ASTN2: variants seen among roughly 807,000 people sequenced by gnomAD.
ASTN2 encodes the protein astrotactin 2, also known as astrotactin-2.
Under a neutral mutation model 139.8 loss-of-function variants are expected in ASTN2, and 54 were observed. That is an observed-to-expected ratio of 0.39 (90% CI 0.31 to 0.48). ASTN2 has a LOEUF of 0.48. Ranked by LOEUF, ASTN2 falls within the 20% of genes least tolerant of loss-of-function variation. The probability of loss-of-function intolerance (pLI) is 0.95; values close to 1 mark genes in which losing one functional copy is unlikely to be tolerated. For synonymous variants in ASTN2, 756 were observed against 719.5 expected, an observed-to-expected ratio of 1.05 and a Z score of -0.81; for missense variants, 1,565 against 1,725.1, an observed-to-expected ratio of 0.91 and a Z score of 1.64.
intron 2 of ASTN2, among the ~76,000 whole-genome samples, chr9:117,258,763 C>T (rs1833752400): frequency 6.6e-6 from 1 of 152,242 alleles, no homozygotes; most frequent in Admixed American, 6.5e-5. Context: ...TTGAAGCCTC[C>T]TTGTGCTTGC....
In ASTN2 at chr9:117,060,457, AAAGG is replaced by A. The variant is rs767897842; in HGVS notation, c.1277-20496_1277-20493del. ...AAGAGAGAGAGAGAAAGAAAGAAAG[AAAGG>A]AAGGAAGGAAGGAAGGAAGGAAGGA... On this transcript the variant is annotated intron_variant, in intron 5 of 22. Transcript: ENST00000313400. Among the ~76,000 whole-genome samples the A allele has an allele frequency of 1.1e-3, 66 of 61,434 alleles. 12 individuals carry two copies. The highest frequency in any genetic ancestry group is 5.0e-3 in the African/African-American group (57 of 11,454). The allele number at this position is 61,434 out of a possible 152,430, so 40.3% of individuals were successfully genotyped here.
chr9:116,705,649 G>A (rs183447707), intron 16 of ASTN2, among the ~76,000 whole-genome samples: 23 of 152,252 alleles, frequency 1.5e-4, no homozygotes, highest in African/African-American at 5.3e-4. Context: ...CTTAATATGA[G>A]TAATGAATGC....
chr9:117,180,403 C>T (rs1373210825), intron 3 of ASTN2, among the ~76,000 whole-genome samples: 1 of 152,170 alleles, frequency 6.6e-6, no homozygotes, highest in African/African-American at 2.4e-5. Context: ...TTACACATCC[C>T]CTTTCCCTTG....
chr9:117,215,587 A>G (rs1308714937), intron 2 of ASTN2, among the ~76,000 whole-genome samples: 1 of 152,054 alleles, frequency 6.6e-6, no homozygotes, highest in Non-Finnish European at 1.5e-5. Flanking sequence ...GTTAATGCAC[A>G]TATCTTACAT....
At chr9:117,247,158 A>C (rs1008520430) in intron 2 of ASTN2, among the ~76,000 whole-genome samples, 2 of 152,222 alleles carry the variant, frequency 1.3e-5, no homozygotes, top group Admixed American at 1.3e-4. Flanking sequence ...TAACAGAACA[A>C]GAGAGAAAAG....
At chr9:116,534,116 C>G (rs1371111269) in intron 19 of ASTN2, among the ~76,000 whole-genome samples, 1 of 152,128 alleles carries the variant, frequency 6.6e-6, no homozygotes, top group Non-Finnish European at 1.5e-5. Context: ...AGGAATTTAT[C>G]CATTTTTTCT....
chr9:116,674,939 C>T (rs1642361482), intron 16 of ASTN2, among the ~76,000 whole-genome samples: 1 of 152,170 alleles, frequency 6.6e-6, no homozygotes, highest in South Asian at 2.1e-4. Context: ...GTCTTCCACA[C>T]AGCGAGCTCT....
At chr9:116,931,197 T>A (rs1428119135) in intron 10 of ASTN2, among the ~76,000 whole-genome samples, 1 of 152,202 alleles carries the variant, frequency 6.6e-6, no homozygotes. Context: ...GGCTTCCTTC[T>A]CCTTGAGCCT....
intron 3 of ASTN2, among the ~76,000 whole-genome samples, chr9:117,167,460 T>G (rs114239859): frequency 0.015 from 2,328 of 152,232 alleles, 49 homozygotes; most frequent in African/African-American, 0.054. Flanking sequence ...TTAACCACCC[T>G]TCCTAAACAC....
At chr9:116,471,504 G>A (rs1848811503) in intron 20 of ASTN2, among the ~76,000 whole-genome samples, 1 of 152,134 alleles carries the variant, frequency 6.6e-6, no homozygotes. Flanking sequence ...GGGTCTTTGG[G>A]AAGGCTGCCA....
chr9:116,662,581 T>TA (rs980139315), intron 16 of ASTN2, among the ~76,000 whole-genome samples: 26 of 151,830 alleles, frequency 1.7e-4, no homozygotes, highest in African/African-American at 4.4e-4. Flanking sequence ...CTCAAAAAAA[T>TA]AAAAAAATAA....
At chr9:116,984,715 T>C (rs1836628536) in intron 7 of ASTN2, among the ~76,000 whole-genome samples, 1 of 152,160 alleles carries the variant, frequency 6.6e-6, no homozygotes, top group South Asian at 2.1e-4. Context: ...CACTGTTGAG[T>C]ATAAGTAATG....
intron 10 of ASTN2, among the ~76,000 whole-genome samples, chr9:116,942,082 G>A (rs903134577): frequency 1.5e-4 from 20 of 135,880 alleles, no homozygotes; most frequent in Admixed American, 4.8e-4. Context: ...GTGCACGTAC[G>A]CACGCACGCA....
At chr9:117,122,068 A>C (rs1322480253) in intron 4 of ASTN2, among the ~76,000 whole-genome samples, 1 of 152,190 alleles carries the variant, frequency 6.6e-6, no homozygotes, top group Non-Finnish European at 1.5e-5. Context: ...GGTGATAATA[A>C]ATACTGTGTG....
chr9:116,425,788 CAGG>C lies in ASTN2; in HGVS notation c.*60_*62del, dbSNP rs1027734245. 8.1e-6 allele frequency: 13 copies of C among 1,609,862 alleles called. No homozygotes were observed. Among genetic ancestry groups the C allele is most frequent in the Non-Finnish European group, 1.1e-5 (13 of 1,177,248 alleles). The stretch of plus-strand genomic sequence containing the variant: ...CCCAGCCCACCCAGGCCCCAGGATC[CAGG>C]AGAATACTGCTCCCCCTCCCATGGA... On this transcript the variant is annotated 3_prime_UTR_variant, in exon 23 of 23. Coordinates refer to ENST00000313400, the MANE Select transcript of ASTN2 (RefSeq NM_001365068.1).
intron 4 of ASTN2, among the ~76,000 whole-genome samples, chr9:117,114,291 T>C (rs548751829): frequency 9.1e-4 from 139 of 152,308 alleles, no homozygotes; most frequent in Non-Finnish European, 1.0e-3. Flanking sequence ...AATGACACTC[T>C]TATTGTTGGT....
chr9:116,497,510 C>A (rs933100814), intron 19 of ASTN2, among the ~76,000 whole-genome samples: 5 of 152,180 alleles, frequency 3.3e-5, no homozygotes, highest in African/African-American at 9.6e-5. Context: ...AGGAGTCCTG[C>A]AACTTATGAT....
chr9:116,785,086 C>G (rs1026573455), intron 13 of ASTN2, among the ~76,000 whole-genome samples: 1 of 152,118 alleles, frequency 6.6e-6, no homozygotes, highest in Non-Finnish European at 1.5e-5. Context: ...GTGTCATCAT[C>G]TGTTAAAAAA....
chr9:117,242,468 T>C lies in ASTN2; in HGVS notation c.631-27726A>G, dbSNP rs1332946325. On this transcript the variant is annotated intron_variant, in intron 2 of 22. Coordinates refer to ENST00000313400, the MANE Select transcript of ASTN2 (RefSeq NM_001365068.1). The stretch of plus-strand genomic sequence containing the variant: ...ATAACACAGAAACAGAACAGGGATA[T>C]GCTGGCTGGAAGCATCCTAATGGTT... Among the ~76,000 whole-genome samples, 19 of 152,310 alleles carry C rather than the reference T, an allele frequency of 1.2e-4. No individual in the cohort carries two copies. The East Asian group carries it at 2.3e-3, about 19-fold the overall frequency.
Sources: allele counts gnomAD v4.1 joint callset (sites outside exome capture counted in the v4.1 genomes callset), GRCh38; gene constraint gnomAD v4.1.1; transcripts MANE v1.5; gene names NCBI Gene and HGNC (gene_info 2026-07-23, HGNC 2026-07-21).